Variants in PPP4R3A observed in about 807,000 individuals in gnomAD.
PPP4R3A encodes the protein serine/threonine-protein phosphatase 4 regulatory subunit 3A.
PPP4R3A carries 15 observed loss-of-function variants against 91.7 expected under a neutral mutation model. That is an observed-to-expected ratio of 0.16 (90% CI 0.11 to 0.25). PPP4R3A has a LOEUF of 0.25. Ranked by LOEUF, PPP4R3A falls within the 10% of genes least tolerant of loss-of-function variation. The pLI, the probability that PPP4R3A is intolerant of heterozygous loss-of-function variation, is 1.00. For missense variants in PPP4R3A, 623 were observed against 998.4 expected (o/e 0.62, Z 5.07); for synonymous variants, 377 against 348.7 (o/e 1.08, Z -0.91).
intron 4 of PPP4R3A, among the ~76,000 whole-genome samples, chr14:91,478,361 CAATGTT>C (rs1889337081): frequency 2.6e-5 from 4 of 152,164 alleles, no homozygotes; most frequent in Non-Finnish European, 5.9e-5. Flanking sequence ...AGGAAGCAGT[CAATGTT>C]AAGAGGGTGT....
At chr14:91,507,497 GAA>G (rs1891449441) in intron 1 of PPP4R3A, among the ~76,000 whole-genome samples, 1 of 127,820 alleles carries the variant, frequency 7.8e-6, no homozygotes, top group African/African-American at 3.3e-5. Context: ...ATACTATATA[GAA>G]TATATGCTAT....
chr14:91,498,699 G>A (rs1169751695), intron 1 of PPP4R3A, among the ~76,000 whole-genome samples: 1 of 151,678 alleles, frequency 6.6e-6, no homozygotes, highest in African/African-American at 2.4e-5. Context: ...TGGATCACGA[G>A]GTCAGGAGAT....
chr14:91,493,854 C>T (rs1305131082), intron 1 of PPP4R3A, among the ~76,000 whole-genome samples: 1 of 149,656 alleles, frequency 6.7e-6, no homozygotes, highest in Non-Finnish European at 1.5e-5. Flanking sequence ...CTCACCACAA[C>T]CTCTGCCTCC....
rs980470704 is a variant in PPP4R3A, at chr14:91,485,621, T to A, written c.297+11A>T. The A allele has an allele frequency of 6.3e-7, 1 of 1,582,802 alleles. No individual in the cohort carries two copies. The highest frequency in any genetic ancestry group is 8.6e-7 in the Non-Finnish European group (1 of 1,162,914). ...AAGAAAGCATGTTGATTTTTTTATT[T>A]AAAAAATTACCTGACATATTTTCTC... On this transcript the variant is annotated intron_variant, in intron 3 of 14. Transcript: ENST00000554943.
intron 6 of PPP4R3A, 52 bp downstream of exon 6, chr14:91,476,356 T>A: frequency 8.1e-7 from 1 of 1,239,292 alleles, no homozygotes; most frequent in Admixed American, 2.0e-5. Context: ...TTAAAAATAT[T>A]AATTTTGGGA....
In PPP4R3A at chr14:91,473,124, C is replaced by T. The variant is rs752316464; in HGVS notation, c.1410G>A (p.Lys470=). The T allele has an allele frequency of 7.4e-6, 12 of 1,613,946 alleles. No individual in the cohort carries two copies. Among genetic ancestry groups the T allele is most frequent in the Non-Finnish European group, 9.3e-6 (11 of 1,180,002 alleles). The change falls in exon 9 of 15, where the codon AAG becomes AAA. Residue 470 remains lysine, a synonymous_variant. Transcript: ENST00000554943. ...TGTAGAAGAAACCCAGAAATTCAGT[C>T]TTTTCTGTTTTCTAAGGAAACAAGA... ...NMLATANKTE[K]TEFLGFFYKH... is the part of the protein sequence containing the mutation.
At chr14:91,491,510 C>T (rs113202733) in intron 1 of PPP4R3A, among the ~76,000 whole-genome samples, 18,554 of 151,932 alleles carry the variant, frequency 0.12, 1,575 homozygotes, top group Non-Finnish European at 0.16. Context: ...CAAGTTCAAG[C>T]GATTCTCCTG....
chr14:91,476,072 A>G, intron 6 of PPP4R3A, 106 bp from the exon 7 acceptor site: 4 of 1,078,460 alleles, frequency 3.7e-6, no homozygotes, highest in Non-Finnish European at 5.2e-6. Flanking sequence ...TTCAATGTAA[A>G]AGAAAGGTCA....
intron 10 of PPP4R3A, among the ~76,000 whole-genome samples, chr14:91,467,945 C>A (rs910191434): frequency 2.6e-5 from 4 of 152,052 alleles, no homozygotes; most frequent in African/African-American, 9.7e-5. Flanking sequence ...CACTTTTTTT[C>A]AGAAGAACCA....
At chr14:91,472,470 T>G (rs931390826) in intron 9 of PPP4R3A, among the ~76,000 whole-genome samples, 1 of 150,694 alleles carries the variant, frequency 6.6e-6, no homozygotes, top group African/African-American at 2.4e-5. Flanking sequence ...TTTTTTTTTT[T>G]TTTTTTTGAG....
At chr14:91,470,640 C>T (rs1405575394) in intron 10 of PPP4R3A, among the ~76,000 whole-genome samples, 197 bp downstream of exon 10, 4 of 152,102 alleles carry the variant, frequency 2.6e-5, no homozygotes, top group Admixed American at 6.5e-5. Flanking sequence ...CATTCTACTC[C>T]CTTACTGTAT....
At chr14:91,487,311 A>C (rs1181204286) in intron 2 of PPP4R3A, among the ~76,000 whole-genome samples, 1 of 151,884 alleles carries the variant, frequency 6.6e-6, no homozygotes, top group African/African-American at 2.4e-5. Flanking sequence ...AAATATACAT[A>C]CTGTTTGATA....
chr14:91,479,291 A>AACGT (rs1332910084), intron 4 of PPP4R3A, among the ~76,000 whole-genome samples: 4 of 107,894 alleles, frequency 3.7e-5, no homozygotes, highest in Admixed American at 3.3e-4. Flanking sequence ...AATAAAAAAC[A>AACGT]ACGTGTGTGT....
At chr14:91,484,182 T>C (rs1030629649) in intron 3 of PPP4R3A, among the ~76,000 whole-genome samples, 6 of 152,218 alleles carry the variant, frequency 3.9e-5, no homozygotes, top group African/African-American at 1.4e-4. Context: ...TAAATGTTAG[T>C]CCTTTCATGT....
At chr14:91,464,538 AG>A (rs1294644692) in intron 11 of PPP4R3A, among the ~76,000 whole-genome samples, 2 of 152,116 alleles carry the variant, frequency 1.3e-5, no homozygotes, top group African/African-American at 4.8e-5. Flanking sequence ...CTAAGGTGGG[AG>A]GATCGTTTGA....
In PPP4R3A at chr14:91,475,877, G is replaced by A. The variant is rs771763276; in HGVS notation, c.1200C>T (p.Val400=). ...EYNPSMVREF[V]MQEAQQNDDV... ...CATCATTCTGTTGTGCCTCCTGCAT[G>A]ACAAACTCTCGTACCATGGATGGAT... Residue 400 remains valine, a synonymous_variant, in exon 7 of 15, where the codon GTC becomes GTT. Transcript: ENST00000554943. 8.1e-6 allele frequency: 13 copies of A among 1,613,714 alleles called. No homozygotes were observed. In the Middle Eastern group the frequency reaches 5.0e-4, roughly 62 times the overall value.
At chr14:91,507,394 T>TATAATTATATATACTATA in intron 1 of PPP4R3A, among the ~76,000 whole-genome samples, 2 of 59,668 alleles carry the variant, frequency 3.4e-5, no homozygotes, top group South Asian at 5.1e-4. Context: ...ATATAGTATA[T>TATAATTATATATACTATA]GTACTATAAT....
intron 10 of PPP4R3A, 55 bp downstream of exon 10, chr14:91,470,782 G>T: frequency 6.4e-7 from 1 of 1,570,648 alleles, no homozygotes; most frequent in Non-Finnish European, 8.6e-7. Context: ...GCAATAAGAT[G>T]TAAAAAATAC....
At chr14:91,486,920 A>AAT (rs1555436583) in intron 2 of PPP4R3A, among the ~76,000 whole-genome samples, 1 of 147,162 alleles carries the variant, frequency 6.8e-6, no homozygotes. Context: ...AAAAAAAAAA[A>AAT]AAAATAGAGA....
Sources: allele counts gnomAD v4.1 joint callset (sites outside exome capture counted in the v4.1 genomes callset), GRCh38; gene constraint gnomAD v4.1.1; transcripts MANE v1.5; gene names NCBI Gene and HGNC (gene_info 2026-07-23, HGNC 2026-07-21).